INPP4B: variants seen among roughly 807,000 people sequenced by gnomAD.
INPP4B encodes the protein inositol polyphosphate 4-phosphatase type II.
In INPP4B, 55 loss-of-function variants were observed where a neutral mutation model predicts 122.5. The observed-to-expected ratio is 0.45, with a 90% CI of 0.36 to 0.56. The LOEUF is 0.56. Among genes scored for constraint, INPP4B ranks in the 20% least tolerant of loss-of-function variants. INPP4B has a pLI of 0.00. For missense variants in INPP4B, 1,000 were observed against 1,097.7 expected, an observed-to-expected ratio of 0.91 and a Z score of 1.26; for synonymous variants, 403 against 388.7, an observed-to-expected ratio of 1.04 and a Z score of -0.43.
At chr4:142,577,677 G>A (rs1734146871) in intron 2 of INPP4B, among the ~76,000 whole-genome samples, 1 of 151,922 alleles carries the variant, frequency 6.6e-6, no homozygotes, top group Admixed American at 6.6e-5. Flanking sequence ...ATGTAAAAGG[G>A]GCATAATATA....
intron 1 of INPP4B, among the ~76,000 whole-genome samples, chr4:142,775,478 ATAT>A (rs1181841210): frequency 6.6e-6 from 1 of 150,538 alleles, no homozygotes; most frequent in Admixed American, 6.6e-5. Context: ...TACCCTCTGC[ATAT>A]TTTGTTCCCT....
Position 142,261,280 on chromosome 4 carries a change from G to C in INPP4B, c.616-716C>G, listed in dbSNP as rs549262407. Among the ~76,000 whole-genome samples the C allele has an allele frequency of 1.0e-3, 158 of 152,262 alleles. 1 individual carries two copies. The highest frequency in any genetic ancestry group is 3.8e-3 in the African/African-American group (158 of 41,548). On this transcript the variant is annotated intron_variant, in intron 10 of 25. Coordinates refer to ENST00000262992, the MANE Select transcript of INPP4B (RefSeq NM_001101669.3). Reference sequence around the variant, plus strand: ...CTCAGCTTCCTATGAAACTGTAATGGAAAGAGGAAACAAAATTCTTCTGGC... The same window carrying C: ...CTCAGCTTCCTATGAAACTGTAATGCAAAGAGGAAACAAAATTCTTCTGGC...
chr4:142,725,819 C>A lies in INPP4B; in HGVS notation c.-191+20G>T. 2.5e-6 allele frequency: 1 copy of A among 397,798 alleles called. No homozygotes were observed. Among genetic ancestry groups the A allele is most frequent in the South Asian group, 1.3e-4 (1 of 7,832 alleles). 24.6% of individuals were successfully genotyped at this position (397,798 alleles called of 1,614,324 possible). A position where few individuals can be genotyped will look rare whatever the true frequency, so the allele number is the denominator to read the frequency against. On this transcript the variant is annotated intron_variant, in intron 2 of 25. Coordinates refer to ENST00000262992, the MANE Select transcript of INPP4B (RefSeq NM_001101669.3). The stretch of plus-strand genomic sequence containing the variant: ...AGAGTTATACAGAATGAAAAAATAT[C>A]AATTCAAAATAAGCATTACCTTTGT...
At position 142,346,812 on chromosome 4, in the gene INPP4B, G is replaced by T. The variant is rs1430275792; in HGVS notation, c.373-32050C>A. On this transcript the variant is annotated intron_variant, in intron 7 of 25. Transcript: ENST00000262992. The stretch of plus-strand genomic sequence containing the variant: ...TTATATAAAGATACAATATTGAGTA[G>T]AATAAAAGTGTTGAATAATGACATT... Among the ~76,000 whole-genome samples, 4 of 152,008 alleles carry T rather than the reference G, an allele frequency of 2.6e-5. No individual in the cohort carries two copies. The East Asian group carries it at 7.7e-4, about 29-fold the overall frequency.
chr4:142,640,628 AT>A (rs1580589451), intron 2 of INPP4B, among the ~76,000 whole-genome samples: 1 of 152,092 alleles, frequency 6.6e-6, no homozygotes, highest in African/African-American at 2.4e-5. Context: ...TAAATTAAAA[AT>A]TTTTATTTAT....
intron 1 of INPP4B, among the ~76,000 whole-genome samples, chr4:142,816,555 T>C (rs1780140115): frequency 6.6e-6 from 1 of 151,910 alleles, no homozygotes; most frequent in Non-Finnish European, 1.5e-5. Flanking sequence ...TTATTTCTCA[T>C]CTTAAAAAAA....
chr4:142,319,289 C>A (rs112380997), intron 7 of INPP4B, among the ~76,000 whole-genome samples: 1,766 of 152,180 alleles, frequency 0.012, 32 homozygotes, highest in African/African-American at 0.04. Context: ...AGGGATAGAG[C>A]CCAGATGCTC....
intron 25 of INPP4B, among the ~76,000 whole-genome samples, chr4:142,044,297 G>A (rs1750042543): frequency 6.6e-6 from 1 of 152,060 alleles, no homozygotes; most frequent in Non-Finnish European, 1.5e-5. Flanking sequence ...ACAGACAAGG[G>A]TGGAGGGCAA....
chr4:142,154,909 G>A (rs187089446), intron 17 of INPP4B, among the ~76,000 whole-genome samples: 1 of 151,988 alleles, frequency 6.6e-6, no homozygotes, highest in African/African-American at 2.4e-5. Flanking sequence ...AACACATGGA[G>A]AAAACAGACA....
At chr4:142,755,448 G>T (rs940086219) in intron 1 of INPP4B, among the ~76,000 whole-genome samples, 1 of 151,760 alleles carries the variant, frequency 6.6e-6, no homozygotes, top group Non-Finnish European at 1.5e-5. Context: ...GTCTCAATTA[G>T]TCCTATTTTT....
At chr4:142,132,957 G>A (rs1802053328) in intron 18 of INPP4B, among the ~76,000 whole-genome samples, 1 of 151,948 alleles carries the variant, frequency 6.6e-6, no homozygotes, top group African/African-American at 2.4e-5. Flanking sequence ...ACCCACTCTA[G>A]TAAGGCTACT....
At chr4:142,204,209 C>T (rs1841792189) in intron 14 of INPP4B, among the ~76,000 whole-genome samples, 1 of 152,092 alleles carries the variant, frequency 6.6e-6, no homozygotes, top group Non-Finnish European at 1.5e-5. Context: ...GTCTACATAA[C>T]AGCTACTTAA....
At chr4:142,119,848 C>T (rs917776259) in intron 21 of INPP4B, among the ~76,000 whole-genome samples, 7 of 148,460 alleles carry the variant, frequency 4.7e-5, no homozygotes, top group African/African-American at 1.2e-4. Flanking sequence ...TACATATATA[C>T]GTATATATGA....
intron 16 of INPP4B, among the ~76,000 whole-genome samples, chr4:142,168,496 G>T (rs1337133571): frequency 6.6e-6 from 1 of 151,516 alleles, no homozygotes; most frequent in Non-Finnish European, 1.5e-5. Flanking sequence ...TTCAAGCCTT[G>T]TTTTCAAACC....
At chr4:142,347,065 G>A (rs1464050853) in intron 7 of INPP4B, among the ~76,000 whole-genome samples, 1 of 152,024 alleles carries the variant, frequency 6.6e-6, no homozygotes, top group Non-Finnish European at 1.5e-5. Flanking sequence ...TAACTAATGT[G>A]TTGTGTTGGG....
At chr4:142,653,870 G>A (rs914469746) in intron 2 of INPP4B, among the ~76,000 whole-genome samples, 5 of 152,114 alleles carry the variant, frequency 3.3e-5, no homozygotes, top group Admixed American at 3.3e-4. Flanking sequence ...GCATTCCTGG[G>A]TATATACCCA....
rs531420528 is a variant in INPP4B at position 142,233,683 on chromosome 4, G to A, written c.836+4181C>T. On this transcript the variant is annotated intron_variant, in intron 12 of 25. Coordinates refer to ENST00000262992, the MANE Select transcript of INPP4B (RefSeq NM_001101669.3). ...AGAGCAGCTGAGAAAAAACTTCAGA[G>A]TAAAGCTTTGCCCTGGAGATTACAC... Among the ~76,000 whole-genome samples the A allele has an allele frequency of 4.2e-3, 635 of 152,274 alleles. 5 individuals carry two copies. The highest frequency in any genetic ancestry group is 7.9e-3 in the Admixed American group (121 of 15,292).
intron 25 of INPP4B, among the ~76,000 whole-genome samples, chr4:142,067,095 A>G (rs1763952329): frequency 6.6e-6 from 1 of 152,166 alleles, no homozygotes; most frequent in South Asian, 2.1e-4. Context: ...CTGACACCTC[A>G]TACAGCTGGG....
At chr4:142,230,839 C>T (rs1469071967) in intron 12 of INPP4B, among the ~76,000 whole-genome samples, 1 of 152,056 alleles carries the variant, frequency 6.6e-6, no homozygotes, top group East Asian at 1.9e-4. Flanking sequence ...AGCAAAGAAT[C>T]AGAAAATTAC....
Sources: gnomAD v4.1 joint callset for allele counts (sites outside exome capture counted in the v4.1 genomes callset) on GRCh38, gnomAD v4.1.1 for gene constraint, MANE v1.5 for transcripts, NCBI Gene and HGNC (gene_info 2026-07-23, HGNC 2026-07-21) for gene names.